CSMD1: variants seen among roughly 807,000 people sequenced by gnomAD.
CSMD1 encodes CUB and Sushi multiple domains 1.
In CSMD1, 213 loss-of-function variants were observed where a neutral mutation model predicts 417.5. The ratio of observed to expected loss-of-function variants is 0.51; its 90% confidence interval spans 0.46 to 0.57. The LOEUF is 0.57. CSMD1 is among the 20% of genes least tolerant of loss of function. The probability of loss-of-function intolerance (pLI) is 0.00; values close to 1 mark genes in which losing one functional copy is unlikely to be tolerated. For synonymous variants in CSMD1, 2,862 were observed against 1,736.8 expected (o/e 1.65, Z -16.11); for missense variants, 6,923 against 4,529.7 (o/e 1.53, Z -15.17).
At chr8:4,613,464 G>T (rs1585331530) in intron 2 of CSMD1, among the ~76,000 whole-genome samples, 1 of 152,138 alleles carries the variant, frequency 6.6e-6, no homozygotes, top group Non-Finnish European at 1.5e-5. Context: ...TGCTGCACCT[G>T]TTCACCATGG....
At chr8:4,432,758 G>T (rs929150090) in intron 2 of CSMD1, among the ~76,000 whole-genome samples, 1 of 152,136 alleles carries the variant, frequency 6.6e-6, no homozygotes, top group African/African-American at 2.4e-5. Flanking sequence ...GGCCATAGAG[G>T]AAATAAAAAT....
At chr8:3,696,087 A>G (rs1037152678) in intron 7 of CSMD1, among the ~76,000 whole-genome samples, 3 of 152,170 alleles carry the variant, frequency 2.0e-5, no homozygotes, top group African/African-American at 7.2e-5. Flanking sequence ...AGGGAATGAG[A>G]CATTTCCTAC....
At chr8:4,164,170 G>C (rs927082104) in intron 3 of CSMD1, among the ~76,000 whole-genome samples, 1 of 148,214 alleles carries the variant, frequency 6.7e-6, no homozygotes, top group Non-Finnish European at 1.5e-5. Context: ...GATTATATGA[G>C]TTTAAGGAAT....
intron 20 of CSMD1, among the ~76,000 whole-genome samples, chr8:3,364,729 T>C (rs1809441188): frequency 6.6e-6 from 1 of 152,210 alleles, no homozygotes; most frequent in Non-Finnish European, 1.5e-5. Flanking sequence ...TGCCATGTGA[T>C]GTCACAGCAA....
chr8:4,844,291 G>A (rs1159522647), intron 1 of CSMD1, among the ~76,000 whole-genome samples: 1 of 152,074 alleles, frequency 6.6e-6, no homozygotes, highest in African/African-American at 2.4e-5. Context: ...TTACCTAAAT[G>A]TCCTCCAGCA....
intron 3 of CSMD1, among the ~76,000 whole-genome samples, chr8:4,136,887 C>G (rs1002796340): frequency 6.6e-6 from 1 of 152,164 alleles, no homozygotes; most frequent in African/African-American, 2.4e-5. Context: ...AGAACAGAAA[C>G]TTAACAAAGA....
At chr8:4,192,156 A>G (rs977651638) in intron 3 of CSMD1, among the ~76,000 whole-genome samples, 1 of 152,182 alleles carries the variant, frequency 6.6e-6, no homozygotes, top group Non-Finnish European at 1.5e-5. Context: ...CCAGTGCACC[A>G]ATAGGCATGT....
intron 23 of CSMD1, among the ~76,000 whole-genome samples, chr8:3,336,655 G>A (rs564860006): frequency 1.3e-5 from 2 of 152,248 alleles, no homozygotes; most frequent in South Asian, 2.1e-4. Context: ...TCATCACAGA[G>A]CCCTGTGCCC....
At chr8:3,841,382 T>C (rs542906951) in intron 5 of CSMD1, among the ~76,000 whole-genome samples, 2 of 152,284 alleles carry the variant, frequency 1.3e-5, no homozygotes, top group Admixed American at 6.5e-5. Context: ...GTTCTCAACC[T>C]CAAGCAATGT....
chr8:4,151,016 T>A (rs1796545994), intron 3 of CSMD1, among the ~76,000 whole-genome samples: 1 of 152,116 alleles, frequency 6.6e-6, no homozygotes, highest in South Asian at 2.1e-4. Flanking sequence ...CAAGAGAAAT[T>A]GTGTCCCATA....
At chr8:4,842,791 A>G (rs914306574) in intron 1 of CSMD1, among the ~76,000 whole-genome samples, 21 of 152,356 alleles carry the variant, frequency 1.4e-4, no homozygotes, top group African/African-American at 5.0e-4. Context: ...ATTACACATT[A>G]ATGGTAACAA....
chr8:3,941,395 A>T (rs908810755), intron 5 of CSMD1, among the ~76,000 whole-genome samples: 4 of 152,148 alleles, frequency 2.6e-5, no homozygotes, highest in African/African-American at 9.6e-5. Flanking sequence ...TGATTTCTCA[A>T]AAGTTTAAAA....
intron 50 of CSMD1, among the ~76,000 whole-genome samples, chr8:3,035,288 GTATGTAATTGTA>G (rs1810599236): frequency 6.6e-6 from 1 of 152,120 alleles, no homozygotes; most frequent in African/African-American, 2.4e-5. Context: ...TTCACATTGT[GTATGTAATTGTA>G]TATGTAATTC....
intron 5 of CSMD1, among the ~76,000 whole-genome samples, chr8:3,825,774 G>C (rs189652325): frequency 6.6e-6 from 1 of 152,134 alleles, no homozygotes; most frequent in Non-Finnish European, 1.5e-5. Flanking sequence ...TGGAAATGTA[G>C]AATATATTCA....
intron 7 of CSMD1, among the ~76,000 whole-genome samples, chr8:3,658,783 AAAAAAT>A (rs1230033792): frequency 3.9e-5 from 6 of 152,284 alleles, no homozygotes; most frequent in South Asian, 2.1e-4. Context: ...ACTCCACCTC[AAAAAAT>A]AAAAATAAAA....
At chr8:3,292,520 G>C (rs1232637840) in intron 25 of CSMD1, among the ~76,000 whole-genome samples, 1 of 152,134 alleles carries the variant, frequency 6.6e-6, no homozygotes, top group African/African-American at 2.4e-5. Flanking sequence ...CCTGTATTGG[G>C]TACATATATA....
Position 4,632,474 on chromosome 8 carries a change from T to C in CSMD1, c.302+4868A>G, listed in dbSNP as rs375839861. ...TTGCAGTGAGCCAATATAGTACCAT[T>C]GCACTCCAGCCTGGGTGACAAGAGC... is the stretch of plus-strand genomic sequence containing the variant. On this transcript the variant is annotated intron_variant, in intron 2 of 69. Coordinates refer to ENST00000635120, the MANE Select transcript of CSMD1 (RefSeq NM_033225.6). 2.3e-4 allele frequency among the ~76,000 whole-genome samples: 35 copies of C among 152,242 alleles called. No homozygotes were observed. The South Asian group carries it at 6.6e-3, about 29-fold the overall frequency.
At chr8:3,029,123 T>C (rs1324256764) in intron 51 of CSMD1, among the ~76,000 whole-genome samples, 196 bp downstream of exon 51, 2 of 152,044 alleles carry the variant, frequency 1.3e-5, no homozygotes, top group Non-Finnish European at 2.9e-5. Flanking sequence ...AAATGCCTAA[T>C]CGAGCAGCAA....
chr8:4,436,851 A>C (rs1210588366), intron 2 of CSMD1, among the ~76,000 whole-genome samples: 3 of 152,092 alleles, frequency 2.0e-5, no homozygotes, highest in Non-Finnish European at 4.4e-5. Context: ...AGTGAATCTC[A>C]TCCTTTTTGT....
Sources: gnomAD v4.1 joint callset for allele counts (sites outside exome capture counted in the v4.1 genomes callset) on GRCh38, gnomAD v4.1.1 for gene constraint, MANE v1.5 for transcripts, NCBI Gene and HGNC (gene_info 2026-07-23, HGNC 2026-07-21) for gene names.